PCDHB16: variants seen among roughly 807,000 people sequenced by gnomAD.
The protein encoded by PCDHB16 is protocadherin beta 16, also known as protocadherin beta-16.
For missense variants in PCDHB16, 1,026 were observed against 989.9 expected (o/e 1.04, Z -0.49); for synonymous variants, 444 against 436.5 (o/e 1.02, Z -0.21).
In PCDHB16 at chr5:141,182,956, T is replaced by C. The variant is rs1463828591; in HGVS notation, c.397T>C (p.Phe133Leu). The stretch of plus-strand genomic sequence containing the variant: ...AGATATAAATGACCATTCTCCCATG[T>C]TCACTGAAAAGGAAATGATTCTAAA... ...VIDINDHSPMFTEKEMILKIP... is the reference protein window; with the variant it reads ...VIDINDHSPMLTEKEMILKIP... The change falls in exon 1 of 1, where the codon TTC becomes CTC. Residue 133 changes from phenylalanine to leucine, a missense_variant. Physicochemically the swap from Phe to Leu is conservative, Grantham distance 22. Transcript: ENST00000609684. The C allele has an allele frequency of 5.0e-6, 8 of 1,614,046 alleles. No individual in the cohort carries two copies. Among genetic ancestry groups the C allele is most frequent in the Non-Finnish European group, 5.9e-6 (7 of 1,180,014 alleles).
At position 141,183,975 on chromosome 5, in the gene PCDHB16, C is replaced by G; in HGVS notation, c.1416C>G (p.Ser472Arg). 6.2e-7 allele frequency: 1 copy of G among 1,612,208 alleles called. No homozygotes were observed. The highest frequency in any genetic ancestry group is 8.5e-7 in the Non-Finnish European group (1 of 1,179,810). Reference sequence around the variant, plus strand: ...ACAGCCCCGCCCTGCACATCGGCAGCGTCAGCGCCACAGACAGAGACTCGG... The same window carrying G: ...ACAGCCCCGCCCTGCACATCGGCAGGGTCAGCGCCACAGACAGAGACTCGG... Reference protein sequence around the residue: ...ENNSPALHIGSVSATDRDSGT... With the variant: ...ENNSPALHIGRVSATDRDSGT... Residue 472 changes from serine (S) to arginine (R), a missense_variant, in exon 1 of 1, where the codon AGC becomes AGG. Coordinates refer to ENST00000609684, the MANE Select transcript of PCDHB16 (RefSeq NM_020957.4).
rs1196613121 is a variant in PCDHB16, at chr5:141,183,513, C to A, written c.954C>A (p.Arg318=). 4 of 1,614,074 alleles carry A rather than the reference C, an allele frequency of 2.5e-6. No individual in the cohort carries two copies. The African/African-American group carries it at 5.3e-5, about 22-fold the overall frequency. The change falls in exon 1 of 1, where the codon CGC becomes CGA. Residue 318 remains arginine (R), a synonymous_variant. Transcript: ENST00000609684. ...DFEMVTSYEV[R]IKATDGGGLS... is the part of the protein sequence containing the mutation. Reference sequence around the variant, plus strand: ...AAATGGTTACGTCTTATGAAGTGCGCATCAAAGCCACAGATGGGGGAGGTC... The same window carrying A: ...AAATGGTTACGTCTTATGAAGTGCGAATCAAAGCCACAGATGGGGGAGGTC...
At position 141,182,602 on chromosome 5, in the gene PCDHB16, C is replaced by G. The variant is rs782648792; in HGVS notation, c.43C>G (p.Leu15Val). 2 of 1,537,874 alleles carry G rather than the reference C, an allele frequency of 1.3e-6. No homozygotes were observed. The highest frequency in any genetic ancestry group is 4.3e-5 in the Admixed American group (2 of 46,042). The stretch of plus-strand genomic sequence containing the variant: ...GCACAATCGGAGACAAAGGCAAGTC[C>G]TTGTTTTCTTTGTTTTGCTGAGCTT... ...WMHNRRQRQV[L>V]VFFVLLSLSG... The change falls in exon 1 of 1, where the codon CTT (leucine) becomes GTT (valine). Residue 15 changes from leucine (L) to valine (V), a missense_variant. Leu to Val is a conservative substitution (Grantham distance 32). Coordinates refer to ENST00000609684, the MANE Select transcript of PCDHB16 (RefSeq NM_020957.4).
rs1244366061 is a variant in PCDHB16, at chr5:141,182,473, G to T, written c.-87G>T. 1 of 1,226,040 alleles carries T rather than the reference G, an allele frequency of 8.2e-7. No individual in the cohort carries two copies. Among genetic ancestry groups the T allele is most frequent in the South Asian group, 1.9e-5 (1 of 54,040 alleles). 75.9% of individuals were successfully genotyped at this position (1,226,040 alleles called of 1,614,324 possible). A position where few individuals can be genotyped will look rare whatever the true frequency, so the allele number is the denominator to read the frequency against. ...CTTTAAGACACCGTTGGGCTGCTTG[G>T]TTCTGACATTCTGGACTGCAAAACA... On this transcript the variant is annotated 5_prime_UTR_variant, in exon 1 of 1. Coordinates refer to ENST00000609684, the MANE Select transcript of PCDHB16 (RefSeq NM_020957.4).
At position 141,184,023 on chromosome 5, in the gene PCDHB16, C is replaced by A. The variant is rs1554282271; in HGVS notation, c.1464C>A (p.Tyr488Ter). The change falls in exon 1 of 1, where the codon TAC becomes TAA. Residue 488 changes from tyrosine to a stop codon, truncating the protein, a stop_gained. Coordinates refer to ENST00000609684, the MANE Select transcript of PCDHB16 (RefSeq NM_020957.4). LOFTEE classifies it low-confidence loss of function (END_TRUNC). The stretch of plus-strand genomic sequence containing the variant: ...CGGGCACCAACGCCCAGGTCACCTA[C>A]TCGCTGCTGCCGCCCCAAGACCCGC... ...RDSGTNAQVT[Y>*]SLLPPQDPHL... 1 of 1,606,070 alleles carries A rather than the reference C, an allele frequency of 6.2e-7. No individual in the cohort carries two copies. Among genetic ancestry groups the A allele is most frequent in the Non-Finnish European group, 8.5e-7 (1 of 1,178,370 alleles).
rs1554282442 is a variant in PCDHB16, at chr5:141,184,640, T to C, written c.2081T>C (p.Leu694Ser). 9.3e-6 allele frequency: 15 copies of C among 1,612,328 alleles called. No individual in the cohort carries two copies. The highest frequency in any genetic ancestry group is 1.3e-5 in the African/African-American group (1 of 74,910). Reference protein sequence around the residue: ...NSLTVYLVVALASVSSLFLFS... With the variant: ...NSLTVYLVVASASVSSLFLFS... ...CTCACTGTCTACCTGGTGGTGGCGTTGGCCTCGGTGTCGTCGCTCTTCCTC... is the reference window on the plus strand; with the variant it reads ...CTCACTGTCTACCTGGTGGTGGCGTCGGCCTCGGTGTCGTCGCTCTTCCTC... The change falls in exon 1 of 1, where the codon TTG becomes TCG. Residue 694 changes from leucine to serine, a missense_variant. Physicochemically the swap from Leu to Ser is moderately radical, Grantham distance 145 (BLOSUM62 -2). Transcript: ENST00000609684.
chr5:141,185,641 C>A lies in PCDHB16; in HGVS notation c.*751C>A. On this transcript the variant is annotated 3_prime_UTR_variant, in exon 1 of 1. Coordinates refer to ENST00000609684, the MANE Select transcript of PCDHB16 (RefSeq NM_020957.4). Reference sequence around the variant, plus strand: ...TGATCTTGAACTCCTGGGCTCAAGCCATCCTCCCTCCTCAGCCTCCCAAAA... The same window carrying A: ...TGATCTTGAACTCCTGGGCTCAAGCAATCCTCCCTCCTCAGCCTCCCAAAA... The A allele has an allele frequency of 1.3e-6, 1 of 771,586 alleles. No individual in the cohort carries two copies. Among genetic ancestry groups the A allele is most frequent in the Non-Finnish European group, 1.6e-6 (1 of 626,126 alleles). 47.8% of individuals were successfully genotyped at this position (771,586 alleles called of 1,614,324 possible). A position where few individuals can be genotyped will look rare whatever the true frequency, so the allele number is the denominator to read the frequency against.
Position 141,182,842 on chromosome 5 carries a change from C to T in PCDHB16, c.283C>T (p.Leu95=). ...LINEKLDREE[L]CGPTEPCILH... is the part of the protein sequence containing the mutation. Reference sequence around the variant, plus strand: ...AAATGAGAAGCTAGATCGAGAGGAGCTATGCGGTCCCACTGAGCCTTGCAT... The same window carrying T: ...AAATGAGAAGCTAGATCGAGAGGAGTTATGCGGTCCCACTGAGCCTTGCAT... Residue 95 remains leucine, a synonymous_variant, in exon 1 of 1, where the codon CTA becomes TTA. Coordinates refer to ENST00000609684, the MANE Select transcript of PCDHB16 (RefSeq NM_020957.4). 1 of 1,614,138 alleles carries T rather than the reference C, an allele frequency of 6.2e-7. No individual in the cohort carries two copies.
rs373904886 is a variant in PCDHB16, at chr5:141,182,434, T to A, written c.-126T>A. On this transcript the variant is annotated 5_prime_UTR_variant, in exon 1 of 1. Coordinates refer to ENST00000609684, the MANE Select transcript of PCDHB16 (RefSeq NM_020957.4). ...AAGAATAGCTGAGCCAGAGCGAACG[T>A]GAGTGTGAAACCTCTTTAAGACACC... The A allele has an allele frequency of 5.3e-5, 40 of 754,202 alleles. 1 individual carries two copies. The Middle Eastern group carries it at 1.0e-3, about 20-fold the overall frequency. The allele number at this position is 754,202 out of a possible 1,614,324, so 46.7% of individuals were successfully genotyped here.
In PCDHB16 at chr5:141,184,595, G is replaced by C. The variant is rs782220850; in HGVS notation, c.2036G>C (p.Gly679Ala). 1.1e-5 allele frequency: 17 copies of C among 1,612,444 alleles called. No individual in the cohort carries two copies. Among genetic ancestry groups the C allele is most frequent in the Non-Finnish European group, 1.4e-5 (16 of 1,179,778 alleles). Reference protein sequence around the residue: ...PFLPLPEAAPGQTQANSLTVY... With the variant: ...PFLPLPEAAPAQTQANSLTVY... ...CTGCCGCTCCCAGAGGCGGCCCCCGGCCAGACCCAGGCCAACTCGCTCACT... is the reference window on the plus strand; with the variant it reads ...CTGCCGCTCCCAGAGGCGGCCCCCGCCCAGACCCAGGCCAACTCGCTCACT... The change falls in exon 1 of 1, where the codon GGC becomes GCC. Residue 679 changes from glycine (G) to alanine (A), a missense_variant. Coordinates refer to ENST00000609684, the MANE Select transcript of PCDHB16 (RefSeq NM_020957.4).
rs782092823 is a variant in PCDHB16, at chr5:141,183,721, G to C, written c.1162G>C (p.Asp388His). ...GAAGACGATTTCCTCCATCCAGGAAGACCTTCCCTTTCTTCTAAAACCTTC... is the reference window on the plus strand; with the variant it reads ...GAAGACGATTTCCTCCATCCAGGAACACCTTCCCTTTCTTCTAAAACCTTC... The part of the protein sequence containing the change: ...NGKTISSIQE[D>H]LPFLLKPSVK... The change falls in exon 1 of 1, where the codon GAC (aspartate) becomes CAC (histidine). Residue 388 changes from aspartate to histidine, a missense_variant. Asp to His is a moderately conservative substitution (Grantham distance 81, BLOSUM62 -1). Coordinates refer to ENST00000609684, the MANE Select transcript of PCDHB16 (RefSeq NM_020957.4). 44 of 1,614,050 alleles carry C rather than the reference G, an allele frequency of 2.7e-5. No homozygotes were observed. The highest frequency in any genetic ancestry group is 3.6e-5 in the Non-Finnish European group (43 of 1,180,052).
chr5:141,184,368 G>C lies in PCDHB16; in HGVS notation c.1809G>C (p.Ser603=), dbSNP rs150050452. ...ACTCGGGCCAGAATGCCTGGCTGTC[G>C]TACCAGCTGCTCAAGGCCACGGAGC... The part of the protein sequence containing the change: ...DGDSGQNAWL[S]YQLLKATEPG... The change falls in exon 1 of 1, where the codon TCG becomes TCC. Residue 603 remains serine (S), a synonymous_variant. Coordinates refer to ENST00000609684, the MANE Select transcript of PCDHB16 (RefSeq NM_020957.4). 4.1e-5 allele frequency: 66 copies of C among 1,604,540 alleles called. No individual in the cohort carries two copies. Among genetic ancestry groups the C allele is most frequent in the Non-Finnish European group, 5.4e-5 (64 of 1,179,014 alleles).
rs1480819586 is a variant in PCDHB16, at chr5:141,183,040, G to C, written c.481G>C (p.Asp161His). 8 of 1,614,060 alleles carry C rather than the reference G, an allele frequency of 5.0e-6. No individual in the cohort carries two copies. Among genetic ancestry groups the C allele is most frequent in the Non-Finnish European group, 6.8e-6 (8 of 1,180,054 alleles). The change falls in exon 1 of 1, where the codon GAC becomes CAC. Residue 161 changes from aspartate to histidine, a missense_variant. Transcript: ENST00000609684. The part of the protein sequence containing the change: ...EFPLNHALDL[D>H]VGSNNVQNYK... ...CCCTCTGAATCATGCTTTGGACTTG[G>C]ACGTAGGAAGCAATAATGTTCAAAA... is the stretch of plus-strand genomic sequence containing the variant.
At position 141,185,654 on chromosome 5, in the gene PCDHB16, C is replaced by A; in HGVS notation, c.*764C>A. 1 of 879,812 alleles carries A rather than the reference C, an allele frequency of 1.1e-6. No individual in the cohort carries two copies. Among genetic ancestry groups the A allele is most frequent in the Non-Finnish European group, 1.4e-6 (1 of 723,134 alleles). The allele number at this position is 879,812 out of a possible 1,614,324, so 54.5% of individuals were successfully genotyped here. ...CTGGGCTCAAGCCATCCTCCCTCCT[C>A]AGCCTCCCAAAATTCTGGGATTACA... On this transcript the variant is annotated 3_prime_UTR_variant, in exon 1 of 1. Coordinates refer to ENST00000609684, the MANE Select transcript of PCDHB16 (RefSeq NM_020957.4).
At position 141,186,128 on chromosome 5, in the gene PCDHB16, C is replaced by A. The variant is rs1753728140; in HGVS notation, c.*1238C>A. 2.0e-6 allele frequency: 2 copies of A among 997,402 alleles called. No homozygotes were observed. Among genetic ancestry groups the A allele is most frequent in the African/African-American group, 3.5e-5 (2 of 57,040 alleles). The allele number at this position is 997,402 out of a possible 1,614,324, so 61.8% of individuals were successfully genotyped here. On this transcript the variant is annotated 3_prime_UTR_variant, in exon 1 of 1. Transcript: ENST00000609684. Reference sequence around the variant, plus strand: ...ATCTAGCCCTTTCTCTGTAAAATATCCCTATGTTTAATCTGTATTTCTTGC... The same window carrying A: ...ATCTAGCCCTTTCTCTGTAAAATATACCTATGTTTAATCTGTATTTCTTGC...
At position 141,183,787 on chromosome 5, in the gene PCDHB16, G is replaced by C. The variant is rs1753634456; in HGVS notation, c.1228G>C (p.Asp410His). 2 of 1,614,174 alleles carry C rather than the reference G, an allele frequency of 1.2e-6. No homozygotes were observed. The highest frequency in any genetic ancestry group is 1.7e-5 in the Admixed American group (1 of 60,024). ...FYTLVTERALDREARAEYNIT... is the reference protein window; with the variant it reads ...FYTLVTERALHREARAEYNIT... Reference sequence around the variant, plus strand: ...CACCTTGGTAACGGAGAGAGCACTCGACAGAGAAGCAAGAGCTGAATATAA... The same window carrying C: ...CACCTTGGTAACGGAGAGAGCACTCCACAGAGAAGCAAGAGCTGAATATAA... The change falls in exon 1 of 1, where the codon GAC (aspartate) becomes CAC (histidine). Residue 410 changes from aspartate to histidine, a missense_variant. Physicochemically the swap from Asp to His is moderately conservative, Grantham distance 81 (BLOSUM62 -1). Coordinates refer to ENST00000609684, the MANE Select transcript of PCDHB16 (RefSeq NM_020957.4).
At position 141,183,978 on chromosome 5, in the gene PCDHB16, C is replaced by G. The variant is rs1554282246; in HGVS notation, c.1419C>G (p.Val473=). Residue 473 remains valine (V), a synonymous_variant, in exon 1 of 1, where the codon GTC becomes GTG. Transcript: ENST00000609684. ...NNSPALHIGS[V]SATDRDSGTN... ...GCCCCGCCCTGCACATCGGCAGCGT[C>G]AGCGCCACAGACAGAGACTCGGGCA... The G allele has an allele frequency of 1.2e-6, 2 of 1,612,264 alleles. No individual in the cohort carries two copies. The highest frequency in any genetic ancestry group is 1.1e-5 in the South Asian group (1 of 90,962).
In PCDHB16 at chr5:141,184,839, A is replaced by G. The variant is rs1753682570; in HGVS notation, c.2280A>G (p.Glu760=). ...AGGTGTGTCTGACAGGAGGCTCAGA[A>G]ACAAGTGAGTTCAAGTTCCTGAAGC... ...QYEVCLTGGS[E]TSEFKFLKPI... is the part of the protein sequence containing the mutation. The change falls in exon 1 of 1, where the codon GAA becomes GAG. Residue 760 remains glutamate, a synonymous_variant. Transcript: ENST00000609684. The G allele has an allele frequency of 5.0e-6, 8 of 1,614,226 alleles. No homozygotes were observed. The highest frequency in any genetic ancestry group is 6.8e-6 in the Non-Finnish European group (8 of 1,180,040).
At position 141,184,598 on chromosome 5, in the gene PCDHB16, A is replaced by G. The variant is rs1753672923; in HGVS notation, c.2039A>G (p.Gln680Arg). 1 of 1,612,450 alleles carries G rather than the reference A, an allele frequency of 6.2e-7. No individual in the cohort carries two copies. Among genetic ancestry groups the G allele is most frequent in the South Asian group, 1.1e-5 (1 of 91,056 alleles). ...FLPLPEAAPG[Q>R]TQANSLTVYL... is the part of the protein sequence containing the mutation. ...CCGCTCCCAGAGGCGGCCCCCGGCCAGACCCAGGCCAACTCGCTCACTGTC... is the reference window on the plus strand; with the variant it reads ...CCGCTCCCAGAGGCGGCCCCCGGCCGGACCCAGGCCAACTCGCTCACTGTC... The change falls in exon 1 of 1, where the codon CAG becomes CGG. Residue 680 changes from glutamine (Q) to arginine (R), a missense_variant. Gln to Arg is a conservative substitution (Grantham distance 43, BLOSUM62 1). Coordinates refer to ENST00000609684, the MANE Select transcript of PCDHB16 (RefSeq NM_020957.4).
Sources: allele counts gnomAD v4.1 joint callset, GRCh38; gene constraint gnomAD v4.1.1; transcripts MANE v1.5; gene names NCBI Gene and HGNC (gene_info 2026-07-23, HGNC 2026-07-21).